TRIM39: variants seen among roughly 807,000 people sequenced by gnomAD.
The protein encoded by TRIM39 is tripartite motif containing 39.
In TRIM39, 5 loss-of-function variants were observed where a neutral mutation model predicts 53.6. The observed-to-expected ratio is 0.09, with a 90% confidence interval of 0.05 to 0.20. The LOEUF (loss-of-function observed/expected upper bound fraction) is 0.20, where lower values mean the gene tolerates loss of function less well. TRIM39 is among the 10% of genes least tolerant of loss of function. TRIM39 has a pLI of 1.00. For synonymous variants in TRIM39, 196 were observed against 237.6 expected, an observed-to-expected ratio of 0.82 and a Z score of 1.61; for missense variants, 310 against 621.0, an observed-to-expected ratio of 0.50 and a Z score of 5.32.
At chr6:30,337,768 C>T (rs1477577866) in intron 5 of TRIM39, among the ~76,000 whole-genome samples, 3 of 152,224 alleles carry the variant, frequency 2.0e-5, no homozygotes, top group Non-Finnish European at 4.4e-5. Flanking sequence ...TCCTTTGAAG[C>T]TTTAAAGCCA....
At chr6:30,330,089 G>A (rs1362288358) in intron 3 of TRIM39, among the ~76,000 whole-genome samples, 1 of 152,224 alleles carries the variant, frequency 6.6e-6, no homozygotes, top group African/African-American at 2.4e-5. Context: ...CTGAAAAGTA[G>A]TCTGGTTTCT....
In TRIM39 at chr6:30,335,924, G is replaced by C; in HGVS notation, c.729G>C (p.Leu243Phe). The C allele has an allele frequency of 6.2e-7, 1 of 1,612,652 alleles. No homozygotes were observed. The highest frequency in any genetic ancestry group is 1.3e-5 in the African/African-American group (1 of 74,906). The change falls in exon 5 of 8, where the codon TTG becomes TTC. Residue 243 changes from leucine to phenylalanine, a missense_variant. By Grantham distance (22) the Leu-to-Phe change is conservative. Transcript: ENST00000396551. This position sits in a 1 kb window ranked among gnomAD's most constrained non-coding sequence, Gnocchi z 4.7. ...ACAAGCGCCGGGACCTGGCCCACTT[G>C]GCTGCCGAGGTGGAGGGCAAGTGCT...
At chr6:30,340,069 G>A in intron 6 of TRIM39, 139 bp downstream of exon 6, 2 of 1,349,982 alleles carry the variant, frequency 1.5e-6, no homozygotes, top group South Asian at 1.2e-5. Flanking sequence ...TGTTCATTGT[G>A]CCCATGAAGC....
At position 30,335,997 on chromosome 6, in the gene TRIM39, A is replaced by G. The variant is rs1261805118; in HGVS notation, c.780+22A>G. The G allele has an allele frequency of 1.2e-6, 2 of 1,612,548 alleles. No individual in the cohort carries two copies. Among genetic ancestry groups the G allele is most frequent in the Admixed American group, 1.7e-5 (1 of 59,940 alleles). Reference sequence around the variant, plus strand: ...TAAGGTTCGACCTTTGCCCCTGCATAGCCCCTCAGGCTGAGTGCAGCGTAG... The same window carrying G: ...TAAGGTTCGACCTTTGCCCCTGCATGGCCCCTCAGGCTGAGTGCAGCGTAG... On this transcript the variant is annotated intron_variant, in intron 5 of 7. Coordinates refer to ENST00000396551, the Ensembl canonical transcript of TRIM39. This position sits in a 1 kb window ranked among gnomAD's most constrained non-coding sequence, Gnocchi z 4.7.
intron 6 of TRIM39, chr6:30,340,256 T>C: frequency 1.2e-6 from 2 of 1,609,192 alleles, no homozygotes; most frequent in Non-Finnish European, 1.7e-6. Context: ...CAATCATCCA[T>C]TTGCATGAAA....
At chr6:30,332,192 G>A (rs765930842) in intron 4 of TRIM39, among the ~76,000 whole-genome samples, 1 of 152,218 alleles carries the variant, frequency 6.6e-6, no homozygotes, top group Non-Finnish European at 1.5e-5. Flanking sequence ...CTAGTTCTTC[G>A]TGAATCAGTA....
intron 2 of TRIM39, 41 bp from the exon 3 acceptor site, chr6:30,329,270 T>G: frequency 6.5e-7 from 1 of 1,533,418 alleles, no homozygotes; most frequent in Non-Finnish European, 8.8e-7. Flanking sequence ...AAACCTCCAA[T>G]TAATATTTTT....
At chr6:30,331,704 C>T (rs1017535067) in intron 4 of TRIM39, among the ~76,000 whole-genome samples, 26 of 152,340 alleles carry the variant, frequency 1.7e-4, no homozygotes, top group African/African-American at 5.8e-4. Context: ...ACCATAGGAT[C>T]TTATTCATCT....
At chr6:30,330,492 G>A (rs932903707) in intron 3 of TRIM39, among the ~76,000 whole-genome samples, 2 of 152,082 alleles carry the variant, frequency 1.3e-5, no homozygotes, top group Non-Finnish European at 2.9e-5. Context: ...GCCTCAGTAA[G>A]AAAATGGAAA....
Position 30,339,867 on chromosome 6 carries a change from A to G in TRIM39, c.781-41A>G. Reference sequence around the variant, plus strand: ...AACCTTTTGCCTTCAGGACCACTGAATACCAGGACCAATATTGCTTTCTTT... The same window carrying G: ...AACCTTTTGCCTTCAGGACCACTGAGTACCAGGACCAATATTGCTTTCTTT... On this transcript the variant is annotated intron_variant, in intron 5 of 7. Coordinates refer to ENST00000396551, the Ensembl canonical transcript of TRIM39. This position sits in a 1 kb window ranked among gnomAD's most constrained non-coding sequence, Gnocchi z 4.2. The G allele has an allele frequency of 6.2e-7, 1 of 1,613,906 alleles. No individual in the cohort carries two copies. Among genetic ancestry groups the G allele is most frequent in the Non-Finnish European group, 8.5e-7 (1 of 1,179,928 alleles).
At position 30,342,686 on chromosome 6, in the gene TRIM39, C is replaced by T. The variant is rs191371462; in HGVS notation, c.*427C>T. 6.6e-4 allele frequency: 155 copies of T among 233,884 alleles called. 5 individuals carry two copies. In the East Asian group the frequency reaches 0.015, roughly 22 times the overall value. The allele number at this position is 233,884 out of a possible 1,614,324, so 14.5% of individuals were successfully genotyped here. On this transcript the variant is annotated 3_prime_UTR_variant, in exon 8 of 8. Coordinates refer to ENST00000396551, the Ensembl canonical transcript of TRIM39. This position sits in a 1 kb window ranked among gnomAD's most constrained non-coding sequence, Gnocchi z 4.7. The stretch of plus-strand genomic sequence containing the variant: ...TAGTCTTGCTTCTTGAGGTAGATCA[C>T]AGGGGTCTGTGTACCTCTGAATTCA...
At chr6:30,330,867 T>A in exon 4 of TRIM39, 1 of 1,614,048 alleles carries the variant, frequency 6.2e-7, no homozygotes, top group Non-Finnish European at 8.5e-7. Context: ...AGAAGCCTGG[T>A]GAGCTCAAGG....
intron 6 of TRIM39, chr6:30,340,269 C>G (rs1185558000): frequency 6.2e-7 from 1 of 1,612,286 alleles, no homozygotes; most frequent in Admixed American, 1.7e-5. Flanking sequence ...GCATGAAATA[C>G]AGGAATATTC....
At position 30,335,578 on chromosome 6, in the gene TRIM39, CT is replaced by C. The variant is rs1786754242; in HGVS notation, c.550-166del. Reference sequence around the variant, plus strand: ...TCCCAAGCAATCCACCTCCCTCGGCCTCCCAAAGTCCTGGGATTACAGTCAT... The same window carrying C: ...TCCCAAGCAATCCACCTCCCTCGGCCCCCAAAGTCCTGGGATTACAGTCAT... On this transcript the variant is annotated intron_variant, in intron 4 of 7. Transcript: ENST00000396551. This position sits in a 1 kb window ranked among gnomAD's most constrained non-coding sequence, Gnocchi z 4.7. Among the ~76,000 whole-genome samples, 1 of 152,048 alleles carries C rather than the reference CT, an allele frequency of 6.6e-6. No homozygotes were observed. The highest frequency in any genetic ancestry group is 2.4e-5 in the African/African-American group (1 of 41,304).
chr6:30,335,675 G>A lies in TRIM39; in HGVS notation c.550-70G>A. 6.5e-7 allele frequency: 1 copy of A among 1,528,156 alleles called. No individual in the cohort carries two copies. The highest frequency in any genetic ancestry group is 8.8e-7 in the Non-Finnish European group (1 of 1,134,090). 94.7% of individuals were successfully genotyped at this position (1,528,156 alleles called of 1,614,324 possible). ...GAAGTCTGTGTTAATTCATACATAT[G>A]GTGGGTGAGAGAAAGGCTTCCTTAT... On this transcript the variant is annotated intron_variant, in intron 4 of 7. Transcript: ENST00000396551. The surrounding 1 kb of genome is among the most constrained non-coding windows in gnomAD (Gnocchi z 4.7).
At chr6:30,334,659 G>C (rs1786639311) in intron 4 of TRIM39, among the ~76,000 whole-genome samples, 1 of 152,088 alleles carries the variant, frequency 6.6e-6, no homozygotes, top group Non-Finnish European at 1.5e-5. Context: ...TTTATCTGGT[G>C]CATGTGTTGC....
In TRIM39 at chr6:30,331,987, G is replaced by A. The variant is rs561790258; in HGVS notation, c.549+1111G>A. ...GGTCTTAGAGTTCAGGCCAAATTGG[G>A]ATAAGTGAGACATAGAAAAGCTACG... On this transcript the variant is annotated intron_variant, in intron 4 of 7. Coordinates refer to ENST00000396551, the Ensembl canonical transcript of TRIM39. 4.6e-5 allele frequency among the ~76,000 whole-genome samples: 7 copies of A among 152,280 alleles called. No individual in the cohort carries two copies. In the South Asian group the frequency reaches 1.5e-3, roughly 32 times the overall value.
At chr6:30,343,492 G>C (rs1787776210) in exon 8 of TRIM39, 1 of 152,636 alleles carries the variant, frequency 6.6e-6, no homozygotes, top group South Asian at 2.1e-4. Flanking sequence ...AAAGGTAAAA[G>C]TGATGCATGC....
At chr6:30,340,543 C>G (rs747666472) in exon 7 of TRIM39, 8 of 1,612,966 alleles carry the variant, frequency 5.0e-6, no homozygotes, top group African/African-American at 4.0e-5. Flanking sequence ...ACTTCAGTAT[C>G]CATAGAGCTG....
Sources: gnomAD v4.1 joint callset for allele counts (sites outside exome capture counted in the v4.1 genomes callset) on GRCh38, gnomAD v4.1.1 for gene constraint, Gnocchi (gnomAD v3.1) non-coding constraint, MANE v1.5 for transcripts, NCBI Gene and HGNC (gene_info 2026-07-23, HGNC 2026-07-21) for gene names.